The following SCIN variants were observed in gnomAD, a reference collection of about 807,000 sequenced individuals.
The protein encoded by SCIN is scinderin, also known as adseverin.
Under a neutral mutation model 91.8 loss-of-function variants are expected in SCIN, and 91 were observed. The observed-to-expected ratio is 0.99, with a 90% CI of 0.84 to 1.18. The LOEUF is 1.18. Ranked by LOEUF, SCIN falls within the 50% of genes most tolerant of loss-of-function variation. SCIN has a pLI of 0.00. For synonymous variants in SCIN, 367 were observed against 312.6 expected (o/e 1.17, Z -1.84); for missense variants, 1,087 against 863.9 (o/e 1.26, Z -3.24).
Position 12,574,106 on chromosome 7 carries a change from A to C in SCIN, c.199+3121A>C, listed in dbSNP as rs890071375. Among the ~76,000 whole-genome samples, 4 of 152,238 alleles carry C rather than the reference A, an allele frequency of 2.6e-5. No homozygotes were observed. In the South Asian group the frequency reaches 8.3e-4, roughly 31 times the overall value. ...TGAAAACCTGTACCTGAATGTCCAC[A>C]GCAGTTTTATTTGAATAAACAAACA... On this transcript the variant is annotated intron_variant, in intron 1 of 15. Transcript: ENST00000297029.
At chr7:12,632,755 A>T (rs905591270) in intron 9 of SCIN, among the ~76,000 whole-genome samples, 7 of 152,156 alleles carry the variant, frequency 4.6e-5, no homozygotes, top group African/African-American at 1.4e-4. Context: ...CCCACACTGT[A>T]AAAAAATGCA....
At chr7:12,607,638 C>T (rs1431446058) in intron 4 of SCIN, among the ~76,000 whole-genome samples, 3 of 152,152 alleles carry the variant, frequency 2.0e-5, no homozygotes, top group East Asian at 1.9e-4. Context: ...TCATTCAATA[C>T]ATTCAGTGTC....
chr7:12,613,795 A>T (rs1404519), intron 4 of SCIN, among the ~76,000 whole-genome samples: 1 of 152,128 alleles, frequency 6.6e-6, no homozygotes, highest in East Asian at 1.9e-4. Context: ...TTGTAAGGAA[A>T]GGATGGTTTC....
At chr7:12,632,088 T>C (rs1173139418) in intron 9 of SCIN, among the ~76,000 whole-genome samples, 2 of 45,118 alleles carry the variant, frequency 4.4e-5, no homozygotes, top group Non-Finnish European at 8.4e-5. Flanking sequence ...GTTTTCATTT[T>C]ATTTTATTTT....
chr7:12,649,207 C>G (rs756485535), intron 13 of SCIN, among the ~76,000 whole-genome samples: 4 of 152,070 alleles, frequency 2.6e-5, no homozygotes, highest in Non-Finnish European at 5.9e-5. Context: ...TAAGGTTCCA[C>G]CAGCTTTATA....
At chr7:12,619,920 C>T (rs530922570) in intron 4 of SCIN, among the ~76,000 whole-genome samples, 20 of 152,134 alleles carry the variant, frequency 1.3e-4, no homozygotes, top group African/African-American at 4.3e-4. Context: ...TACTTGAGTA[C>T]ATTGAAGTTC....
At chr7:12,608,302 A>T (rs1290842806) in intron 4 of SCIN, among the ~76,000 whole-genome samples, 2 of 139,038 alleles carry the variant, frequency 1.4e-5, no homozygotes, top group Non-Finnish European at 3.0e-5. Context: ...AAACCAGTCT[A>T]TACTATGCAT....
Position 12,656,308 on chromosome 7 carries a change from G to A in SCIN, c.*3593G>A, listed in dbSNP as rs1227242989. On this transcript the variant is annotated 3_prime_UTR_variant, in exon 16 of 16. Transcript: ENST00000297029. ...TTTATACTGTTGTGTAGTGACACAAGCCCTTCTGCTGAAAAAGTAGGTAGA... is the reference window on the plus strand; with the variant it reads ...TTTATACTGTTGTGTAGTGACACAAACCCTTCTGCTGAAAAAGTAGGTAGA... 1.3e-5 allele frequency: 2 copies of A among 152,070 alleles called. No individual in the cohort carries two copies. Among genetic ancestry groups the A allele is most frequent in the African/African-American group, 4.8e-5 (2 of 41,410 alleles). The allele number at this position is 152,070 out of a possible 1,614,324, so 9.4% of individuals were successfully genotyped here. A position where few individuals can be genotyped will look rare whatever the true frequency, so the allele number is the denominator to read the frequency against.
chr7:12,641,517 CTCT>C (rs752944993), intron 11 of SCIN, among the ~76,000 whole-genome samples: 24 of 152,232 alleles, frequency 1.6e-4, no homozygotes, highest in Middle Eastern at 6.8e-3. Flanking sequence ...GCCAGTCCTC[CTCT>C]TCTTTGATGA....
chr7:12,594,876 G>C (rs1407528489), intron 3 of SCIN, among the ~76,000 whole-genome samples: 1 of 152,146 alleles, frequency 6.6e-6, no homozygotes, highest in Non-Finnish European at 1.5e-5. Flanking sequence ...GGAGTGAAGA[G>C]ATGGTCAAGG....
intron 15 of SCIN, among the ~76,000 whole-genome samples, 163 bp from the exon 16 acceptor site, chr7:12,652,425 T>G (rs377192128): frequency 6.6e-6 from 1 of 152,368 alleles, no homozygotes; most frequent in African/African-American, 2.4e-5. Context: ...TTACTTTGAT[T>G]TGAAGAATTG....
chr7:12,637,272 A>C (rs1057328527), intron 10 of SCIN, among the ~76,000 whole-genome samples: 8 of 152,200 alleles, frequency 5.3e-5, no homozygotes, highest in Non-Finnish European at 1.0e-4. Context: ...AAAAAGATGC[A>C]TTTTCTTACA....
intron 4 of SCIN, among the ~76,000 whole-genome samples, chr7:12,605,834 G>A (rs1006110956): frequency 9.2e-5 from 14 of 152,028 alleles, no homozygotes; most frequent in South Asian, 2.1e-4. Context: ...AGAATTATAC[G>A]CAACACACTT....
chr7:12,578,909 G>GTTTTTTTTTTTTTTGTTTTGTTTTTTTTT (rs1782429584), intron 2 of SCIN, among the ~76,000 whole-genome samples: 5 of 85,898 alleles, frequency 5.8e-5, no homozygotes, highest in Non-Finnish European at 1.1e-4. Flanking sequence ...TATAGGACAG[G>GTTTTTTTTTTTTTTGTTTTGTTTTTTTTT]TTTTTTTTTT....
chr7:12,652,852 C>G lies in SCIN; in HGVS notation c.*137C>G. On this transcript the variant is annotated 3_prime_UTR_variant, in exon 16 of 16. Transcript: ENST00000297029. ...GGCGCGGTGGCTCACACCTGTAATC[C>G]CAGCACTTTGAGAGGATGAGGTAGG... The G allele has an allele frequency of 9.6e-7, 1 of 1,039,226 alleles. No individual in the cohort carries two copies. 64.4% of individuals were successfully genotyped at this position (1,039,226 alleles called of 1,614,324 possible).
chr7:12,642,944 A>G (rs116936766), intron 11 of SCIN, among the ~76,000 whole-genome samples: 5 of 152,302 alleles, frequency 3.3e-5, no homozygotes, highest in African/African-American at 4.8e-5. Flanking sequence ...GATCTCATCC[A>G]GAACCTTCTG....
intron 15 of SCIN, among the ~76,000 whole-genome samples, chr7:12,652,385 G>T (rs1205406498): frequency 1.3e-5 from 2 of 152,172 alleles, no homozygotes; most frequent in Non-Finnish European, 2.9e-5. Context: ...AAAAGAAATT[G>T]TATTTGTCTA....
chr7:12,588,376 G>A (rs1782635055), intron 3 of SCIN, among the ~76,000 whole-genome samples: 1 of 152,230 alleles, frequency 6.6e-6, no homozygotes, highest in East Asian at 1.9e-4. Flanking sequence ...GGATGACAAG[G>A]TAAAATGTGA....
intron 4 of SCIN, among the ~76,000 whole-genome samples, chr7:12,614,163 G>A (rs1783252452): frequency 6.6e-6 from 1 of 152,166 alleles, no homozygotes; most frequent in Non-Finnish European, 1.5e-5. Context: ...TATTGTTAGG[G>A]AATGGCACGA....
Sources: allele counts gnomAD v4.1 joint callset (sites outside exome capture counted in the v4.1 genomes callset), GRCh38; gene constraint gnomAD v4.1.1; transcripts MANE v1.5; gene names NCBI Gene and HGNC (gene_info 2026-07-23, HGNC 2026-07-21).